The following TPTE2 variants were observed in gnomAD, a reference collection of about 807,000 sequenced individuals.
The protein encoded by TPTE2 is transmembrane phosphoinositide 3-phosphatase and tensin homolog 2.
TPTE2 carries 53 observed loss-of-function variants against 78.6 expected under a neutral mutation model. The ratio of observed to expected loss-of-function variants is 0.67; its 90% CI spans 0.54 to 0.85. The LOEUF (loss-of-function observed/expected upper bound fraction) is 0.85. Ranked by LOEUF, TPTE2 falls within the 40% of genes least tolerant of loss-of-function variation. TPTE2 has a pLI of 0.00. For missense variants in TPTE2, 461 were observed against 623.0 expected, an observed-to-expected ratio of 0.74 and a Z score of 2.77; for synonymous variants, 175 against 206.2, an observed-to-expected ratio of 0.85 and a Z score of 1.30.
chr13:19,504,118 C>T (rs1275106459), upstream of TPTE2, among the ~76,000 whole-genome samples: 9 of 152,142 alleles, frequency 5.9e-5, no homozygotes, highest in East Asian at 1.9e-4. Context: ...GACTTGGCAG[C>T]GCTACAGAAT....
chr13:19,545,562 T>C, the TPTE2 span, among the ~76,000 whole-genome samples: 2 of 152,144 alleles, frequency 1.3e-5, no homozygotes, highest in African/African-American at 4.8e-5. Context: ...AGCCAAAGCC[T>C]ATAGCCTCAA....
the TPTE2 span, among the ~76,000 whole-genome samples, chr13:19,549,229 G>A: frequency 1.3e-5 from 2 of 151,678 alleles, no homozygotes; most frequent in African/African-American, 4.8e-5. Context: ...ACAACCTACA[G>A]AATGAGAGAA....
At chr13:19,450,136 T>C in exon 13 of TPTE2, 1 of 1,611,390 alleles carries the variant, frequency 6.2e-7, no homozygotes, top group African/African-American at 1.3e-5. Flanking sequence ...ATCCACTCAT[T>C]TACTTCCTTG....
chr13:19,517,514 T>C (rs1566074306), intron 1 of TPTE2, among the ~76,000 whole-genome samples: 1 of 152,154 alleles, frequency 6.6e-6, no homozygotes. Flanking sequence ...TTCCTGTCTA[T>C]GGGCCCCAGA....
intron 3 of TPTE2, among the ~76,000 whole-genome samples, chr13:19,492,180 T>C (rs1165392038): frequency 1.3e-5 from 2 of 152,162 alleles, no homozygotes; most frequent in African/African-American, 4.8e-5. Flanking sequence ...TCTCCTTCCT[T>C]TCACTGATCA....
At chr13:19,547,171 G>T in the TPTE2 span, among the ~76,000 whole-genome samples, 3 of 152,188 alleles carry the variant, frequency 2.0e-5, no homozygotes, top group African/African-American at 7.2e-5. Context: ...ATAAGACAGT[G>T]GGGTAGCCGG....
intron 17 of TPTE2, among the ~76,000 whole-genome samples, chr13:19,428,686 G>C (rs1876328338): frequency 6.6e-6 from 1 of 151,724 alleles, no homozygotes; most frequent in South Asian, 2.1e-4. Flanking sequence ...CCATGATCAT[G>C]CCACTGCACT....
At chr13:19,447,779 A>G (rs1375443219) in intron 13 of TPTE2, among the ~76,000 whole-genome samples, 5 of 152,200 alleles carry the variant, frequency 3.3e-5, no homozygotes, top group Admixed American at 2.6e-4. Context: ...TGAATGAGAG[A>G]AAATCTAACT....
At chr13:19,488,088 G>A (rs1880765955) in intron 3 of TPTE2, among the ~76,000 whole-genome samples, 1 of 152,168 alleles carries the variant, frequency 6.6e-6, no homozygotes, top group Non-Finnish European at 1.5e-5. Flanking sequence ...GCAACTTCCA[G>A]TCACCACAGA....
At chr13:19,460,609 T>C (rs950264355) in intron 10 of TPTE2, among the ~76,000 whole-genome samples, 4 of 152,262 alleles carry the variant, frequency 2.6e-5, no homozygotes, top group South Asian at 2.1e-4. Flanking sequence ...TGTTCTCTAG[T>C]CATGGGATGA....
chr13:19,449,533 T>C (rs943704636), intron 13 of TPTE2, among the ~76,000 whole-genome samples: 10 of 152,318 alleles, frequency 6.6e-5, no homozygotes, highest in African/African-American at 2.4e-4. Flanking sequence ...CAGTTAATAA[T>C]AATGTATACT....
At chr13:19,504,010 G>A (rs528106631), upstream of TPTE2, among the ~76,000 whole-genome samples, 1 of 152,162 alleles carries the variant, frequency 6.6e-6, no homozygotes, top group African/African-American at 2.4e-5. Flanking sequence ...AAAGTGCTGG[G>A]ATTACAGGCA....
intron 16 of TPTE2, among the ~76,000 whole-genome samples, chr13:19,430,771 A>T (rs1645827417): frequency 6.6e-6 from 1 of 152,206 alleles, no homozygotes; most frequent in African/African-American, 2.4e-5. Flanking sequence ...AGAGAAAAGA[A>T]TACATATAGT....
intron 13 of TPTE2, 156 bp from the exon 17 acceptor site, chr13:19,438,309 T>C (rs1877258062): frequency 4.1e-6 from 4 of 985,206 alleles, no homozygotes; most frequent in Non-Finnish European, 4.8e-6. Flanking sequence ...CAATCTTGGC[T>C]CATTGCAACC....
Position 19,497,388 on chromosome 13 carries a change from T to C in TPTE2, c.12-3887A>G, listed in dbSNP as rs1421086446. On this transcript the variant is annotated intron_variant, in intron 1 of 19. Coordinates refer to ENST00000400230, the Ensembl canonical transcript of TPTE2. ...AAAGACAGCAGTAACCTCTGCAGAC[T>C]TAAATGTCCCTGTCTGACAGCTTTG... Among the ~76,000 whole-genome samples the C allele has an allele frequency of 6.0e-4, 81 of 134,918 alleles. 1 individual carries two copies. The South Asian group carries it at 9.1e-3, about 15-fold the overall frequency. The allele number at this position is 134,918 out of a possible 152,430, so 88.5% of individuals were successfully genotyped here.
chr13:19,481,697 T>G (rs1224499186), intron 4 of TPTE2, among the ~76,000 whole-genome samples: 1 of 152,212 alleles, frequency 6.6e-6, no homozygotes, highest in Non-Finnish European at 1.5e-5. Context: ...TATAGCTAAT[T>G]TGCAGACACA....
intron 1 of TPTE2, among the ~76,000 whole-genome samples, chr13:19,515,323 C>A (rs1408811088): frequency 3.9e-5 from 6 of 152,140 alleles, no homozygotes; most frequent in Non-Finnish European, 7.3e-5. Context: ...CTCTTTCTCA[C>A]AATGGAAATG....
rs1014958429 is a variant in TPTE2 at position 19,502,689 on chromosome 13, C to A, written c.11+535G>T. Among the ~76,000 whole-genome samples the A allele has an allele frequency of 2.0e-5, 3 of 151,614 alleles. No individual in the cohort carries two copies. The East Asian group carries it at 5.8e-4, about 29-fold the overall frequency. On this transcript the variant is annotated intron_variant, in intron 1 of 19. Coordinates refer to ENST00000400230, the Ensembl canonical transcript of TPTE2. ...GGGAGGGATAGCACTGGGAGATATA[C>A]CTAATGCTAGATGATGAGTTAGTGG...
At chr13:19,520,011 T>C (rs547989823) in intron 1 of TPTE2, among the ~76,000 whole-genome samples, 1 of 152,096 alleles carries the variant, frequency 6.6e-6, no homozygotes, top group Non-Finnish European at 1.5e-5. Context: ...CTATTGTAAA[T>C]AAAATTACTT....
Sources: gnomAD v4.1 joint callset for allele counts (sites outside exome capture counted in the v4.1 genomes callset) on GRCh38, gnomAD v4.1.1 for gene constraint, MANE v1.5 for transcripts, NCBI Gene and HGNC (gene_info 2026-07-23, HGNC 2026-07-21) for gene names.